The following USH2A variants were observed in gnomAD, a reference collection of about 807,000 sequenced individuals.
USH2A encodes usherin, also known as Usher syndrome 2A (autosomal recessive, mild).
USH2A carries 443 observed loss-of-function variants against 538.9 expected under a neutral mutation model. That is an observed-to-expected ratio of 0.82 (90% CI 0.76 to 0.89). The LOEUF is 0.89. Ranked by LOEUF, USH2A falls within the 40% of genes least tolerant of loss-of-function variation. USH2A has a pLI of 0.00. For missense variants in USH2A, 6,633 were observed against 6,324.8 expected (o/e 1.05, Z -1.65); for synonymous variants, 2,413 against 2,273.5 (o/e 1.06, Z -1.75).
chr1:215,993,585 T>A (rs1397228766), intron 34 of USH2A, among the ~76,000 whole-genome samples: 1 of 151,346 alleles, frequency 6.6e-6, no homozygotes, highest in Non-Finnish European at 1.5e-5. Context: ...GGATGAAGAC[T>A]ACTTTAAGAC....
intron 11 of USH2A, among the ~76,000 whole-genome samples, chr1:216,288,898 TG>T (rs2102605596): frequency 6.6e-6 from 1 of 152,304 alleles, no homozygotes; most frequent in African/African-American, 2.4e-5. Context: ...TGGCCCTAAG[TG>T]TAAGTGACTT....
At position 216,289,401 on chromosome 1, in the gene USH2A, CA is replaced by C. The variant is rs1160174093; in HGVS notation, c.1849del (p.Cys617ValfsTer19). 6.2e-7 allele frequency: 1 copy of C among 1,613,814 alleles called. No individual in the cohort carries two copies. Among genetic ancestry groups the C allele is most frequent in the African/African-American group, 1.3e-5 (1 of 74,940 alleles). On this transcript the variant is annotated frameshift_variant, in exon 11 of 72. Coordinates refer to ENST00000307340, the MANE Select transcript of USH2A (RefSeq NM_206933.4). LOFTEE classifies it high-confidence loss of function. ...DCEHNTTGRN[C>X]ELCKDYFFRQ... ...GAAAAAGTAATCCTTGCACAGCTCA[CA>C]GTTCCTTCCTGCATCAGGGAAAGGT...
intron 37 of USH2A, among the ~76,000 whole-genome samples, chr1:215,935,584 G>C (rs1362649387): frequency 1.3e-5 from 2 of 151,870 alleles, no homozygotes; most frequent in Non-Finnish European, 2.9e-5. Context: ...CCAAAATGCA[G>C]GAAAATACTT....
intron 61 of USH2A, among the ~76,000 whole-genome samples, chr1:215,701,909 T>C (rs1659030003): frequency 6.6e-6 from 1 of 152,222 alleles, no homozygotes; most frequent in Non-Finnish European, 1.5e-5. Context: ...TTCTTGATAG[T>C]GTTGATCGTC....
At position 216,236,188 on chromosome 1, in the gene USH2A, T is replaced by C. The variant is rs983555417; in HGVS notation, c.2810-4052A>G. On this transcript the variant is annotated intron_variant, in intron 13 of 71. Transcript: ENST00000307340. ...GTTTTTCAATTAAATTAGGTATGCT[T>C]TAAATGTTCTGCTGTTATTTTTTTT... Among the ~76,000 whole-genome samples the C allele has an allele frequency of 8.5e-5, 13 of 152,148 alleles. No individual in the cohort carries two copies. The East Asian group carries it at 2.5e-3, about 29-fold the overall frequency.
intron 11 of USH2A, among the ~76,000 whole-genome samples, chr1:216,253,367 T>A (rs1006114061): frequency 3.3e-5 from 5 of 152,092 alleles, no homozygotes; most frequent in African/African-American, 1.2e-4. Context: ...AGTTTCACCA[T>A]GTTGGTCAGG....
chr1:215,891,069 T>C lies in USH2A; in HGVS notation c.7595-2015A>G, dbSNP rs1416969064. On this transcript the variant is annotated intron_variant, in intron 40 of 71. Coordinates refer to ENST00000307340, the MANE Select transcript of USH2A (RefSeq NM_206933.4). The stretch of plus-strand genomic sequence containing the variant: ...CAATGATGCAGTTTGTTCTCTGTGA[T>C]TGGGGGATAAGGCTTTTATTTCTCC... Among the ~76,000 whole-genome samples the C allele has an allele frequency of 2.0e-5, 3 of 152,302 alleles. No individual in the cohort carries two copies. In the East Asian group the frequency reaches 5.8e-4, roughly 29 times the overall value.
intron 16 of USH2A, among the ~76,000 whole-genome samples, chr1:216,200,448 T>A (rs1437591173): frequency 1.3e-5 from 2 of 152,196 alleles, no homozygotes; most frequent in Admixed American, 1.3e-4. Flanking sequence ...TAACTATGTT[T>A]CCTCTATGTA....
At chr1:216,400,518 T>C (rs2039288014) in intron 3 of USH2A, among the ~76,000 whole-genome samples, 1 of 151,994 alleles carries the variant, frequency 6.6e-6, no homozygotes, top group African/African-American at 2.4e-5. Context: ...GAAAATGTAT[T>C]CAAGAAAGAA....
intron 38 of USH2A, among the ~76,000 whole-genome samples, chr1:215,905,142 A>G (rs1408625871): frequency 6.6e-6 from 1 of 152,088 alleles, no homozygotes; most frequent in Non-Finnish European, 1.5e-5. Context: ...GTGAGCTCTC[A>G]AAGGCAAAAA....
rs549889367 is a variant in USH2A at position 216,094,124 on chromosome 1, C to A, written c.4758+2959G>T. Among the ~76,000 whole-genome samples, 7 of 152,248 alleles carry A rather than the reference C, an allele frequency of 4.6e-5. No individual in the cohort carries two copies. The South Asian group carries it at 1.5e-3, about 32-fold the overall frequency. ...TACTAACAGGTTGAAGGGGAAAAAG[C>A]AGAGCCAGATTTTTCTTTCTCATTG... On this transcript the variant is annotated intron_variant, in intron 22 of 71. Coordinates refer to ENST00000307340, the MANE Select transcript of USH2A (RefSeq NM_206933.4).
chr1:215,642,868 CCTCT>C (rs1190240781), intron 67 of USH2A, among the ~76,000 whole-genome samples: 2 of 152,132 alleles, frequency 1.3e-5, no homozygotes, highest in Non-Finnish European at 2.9e-5. Flanking sequence ...TTACACCTCA[CCTCT>C]CTCTCCACTG....
chr1:215,723,984 G>A (rs192254778), intron 61 of USH2A, among the ~76,000 whole-genome samples: 4 of 152,030 alleles, frequency 2.6e-5, no homozygotes, highest in Admixed American at 6.6e-5. Context: ...ACCTGCATTC[G>A]TATGTGTATT....
intron 63 of USH2A, among the ~76,000 whole-genome samples, chr1:215,672,605 T>G (rs1235280917): frequency 1.3e-5 from 2 of 152,230 alleles, no homozygotes; most frequent in African/African-American, 4.8e-5. Flanking sequence ...TTTTAAATTT[T>G]GGGCTGGATT....
intron 43 of USH2A, among the ~76,000 whole-genome samples, chr1:215,872,686 T>C (rs1371480990): frequency 2.0e-5 from 3 of 152,104 alleles, no homozygotes; most frequent in African/African-American, 7.2e-5. Context: ...CCAAATCTTA[T>C]GTTGAAATGT....
At chr1:216,219,943 G>A (rs2035422365) in intron 14 of USH2A, among the ~76,000 whole-genome samples, 1 of 152,106 alleles carries the variant, frequency 6.6e-6, no homozygotes, top group Non-Finnish European at 1.5e-5. Flanking sequence ...ACATAACTCA[G>A]TATTTGCTGG....
intron 52 of USH2A, among the ~76,000 whole-genome samples, chr1:215,786,345 G>A (rs1558097293): frequency 3.3e-5 from 5 of 152,156 alleles, no homozygotes; most frequent in Admixed American, 3.3e-4. Context: ...TTCAGTGGAA[G>A]CTGCATTGCA....
At chr1:216,358,841 T>A (rs998427833) in intron 4 of USH2A, among the ~76,000 whole-genome samples, 2 of 152,172 alleles carry the variant, frequency 1.3e-5, no homozygotes, top group African/African-American at 4.8e-5. Flanking sequence ...TTTAAAAATA[T>A]CATCTTCAGT....
intron 61 of USH2A, among the ~76,000 whole-genome samples, chr1:215,724,589 C>T (rs988436865): frequency 7.2e-5 from 11 of 152,086 alleles, no homozygotes; most frequent in Admixed American, 5.2e-4. Flanking sequence ...GGTAACAAAA[C>T]TTCACTTGGA....
Sources: gnomAD v4.1 joint callset for allele counts (sites outside exome capture counted in the v4.1 genomes callset) on GRCh38, gnomAD v4.1.1 for gene constraint, MANE v1.5 for transcripts, NCBI Gene and HGNC (gene_info 2026-07-23, HGNC 2026-07-21) for gene names.